The following KCNIP4 variants were observed in gnomAD, a reference collection of about 807,000 sequenced individuals.
The protein encoded by KCNIP4 is Kv channel-interacting protein 4.
Under a neutral mutation model 34.0 loss-of-function variants are expected in KCNIP4, and 12 were observed. The ratio of observed to expected loss-of-function variants is 0.35; its 90% CI spans 0.23 to 0.57. The LOEUF (loss-of-function observed/expected upper bound fraction) is 0.57, where lower values mean the gene tolerates loss of function less well. KCNIP4 is among the 20% of genes least tolerant of loss of function. KCNIP4 has a pLI of 0.83. For synonymous variants in KCNIP4, 124 were observed against 102.2 expected (o/e 1.21, Z -1.29); for missense variants, 238 against 311.7 (o/e 0.76, Z 1.78).
chr4:21,188,419 C>T (rs377313193), intron 1 of KCNIP4, among the ~76,000 whole-genome samples: 7 of 152,278 alleles, frequency 4.6e-5, no homozygotes, highest in African/African-American at 9.6e-5. Context: ...ATCAAACTGG[C>T]TTCTCTCCCT....
intron 1 of KCNIP4, among the ~76,000 whole-genome samples, chr4:21,431,227 A>T (rs144775962): frequency 6.6e-6 from 1 of 152,248 alleles, no homozygotes; most frequent in African/African-American, 2.4e-5. Flanking sequence ...ACATAAGAAC[A>T]TCAAAGAGGA....
At chr4:20,817,188 G>T (rs1200684676) in intron 3 of KCNIP4, among the ~76,000 whole-genome samples, 3 of 152,154 alleles carry the variant, frequency 2.0e-5, no homozygotes, top group African/African-American at 7.2e-5. Flanking sequence ...TTAAATTTTA[G>T]TAATTCTTGA....
chr4:21,343,131 T>C (rs1192652983), intron 1 of KCNIP4, among the ~76,000 whole-genome samples: 1 of 152,004 alleles, frequency 6.6e-6, no homozygotes, highest in Non-Finnish European at 1.5e-5. Context: ...CATTTTCTTA[T>C]AATACTGGTG....
chr4:20,915,128 A>G (rs935193779), intron 1 of KCNIP4, among the ~76,000 whole-genome samples: 1 of 152,184 alleles, frequency 6.6e-6, no homozygotes, highest in Non-Finnish European at 1.5e-5. Context: ...AGCATGACAT[A>G]TATTTTTCAA....
intron 1 of KCNIP4, among the ~76,000 whole-genome samples, chr4:20,915,008 T>C (rs1428879760): frequency 6.6e-6 from 1 of 152,202 alleles, no homozygotes; most frequent in Non-Finnish European, 1.5e-5. Flanking sequence ...TACACAACCT[T>C]GCAGTAAGAG....
At chr4:21,081,766 T>C (rs761847054) in intron 1 of KCNIP4, among the ~76,000 whole-genome samples, 1 of 151,834 alleles carries the variant, frequency 6.6e-6, no homozygotes, top group Non-Finnish European at 1.5e-5. Context: ...CAATTGCTGA[T>C]AAGAGCAATG....
chr4:21,670,715 G>A (rs945306515), intron 1 of KCNIP4, among the ~76,000 whole-genome samples: 3 of 152,032 alleles, frequency 2.0e-5, no homozygotes, highest in Admixed American at 6.5e-5. Context: ...GAGTGCAGTG[G>A]CGCGATCTTG....
intron 1 of KCNIP4, among the ~76,000 whole-genome samples, chr4:21,727,163 A>C (rs1053593881): frequency 8.5e-5 from 13 of 152,210 alleles, no homozygotes; most frequent in African/African-American, 2.7e-4. Flanking sequence ...GATAGTATTA[A>C]GACATGGGAC....
chr4:21,017,446 G>A (rs1739645553), intron 1 of KCNIP4, among the ~76,000 whole-genome samples: 1 of 152,118 alleles, frequency 6.6e-6, no homozygotes, highest in Non-Finnish European at 1.5e-5. Flanking sequence ...GCAGTGTTTG[G>A]TTTTCTGTTC....
chr4:21,652,074 A>G (rs1747528498), intron 1 of KCNIP4, among the ~76,000 whole-genome samples: 2 of 152,070 alleles, frequency 1.3e-5, no homozygotes, highest in South Asian at 4.1e-4. Context: ...CACCTCTAAC[A>G]CTTCTATATT....
chr4:21,771,157 A>G (rs1718757794), intron 1 of KCNIP4, among the ~76,000 whole-genome samples: 1 of 152,180 alleles, frequency 6.6e-6, no homozygotes, highest in Non-Finnish European at 1.5e-5. Context: ...TTTTCTGCAT[A>G]TGGCTAGCCA....
intron 1 of KCNIP4, among the ~76,000 whole-genome samples, chr4:21,199,088 A>G (rs535478832): frequency 6.6e-6 from 1 of 152,292 alleles, no homozygotes; most frequent in African/African-American, 2.4e-5. Flanking sequence ...GTATATACCC[A>G]GTAATGGGAT....
At chr4:20,937,829 G>A (rs1364949501) in intron 1 of KCNIP4, among the ~76,000 whole-genome samples, 1 of 152,142 alleles carries the variant, frequency 6.6e-6, no homozygotes, top group African/African-American at 2.4e-5. Context: ...TCAGAAATAA[G>A]TAATTAGGCC....
intron 1 of KCNIP4, among the ~76,000 whole-genome samples, chr4:21,169,525 C>T (rs1223899068): frequency 6.6e-6 from 1 of 152,060 alleles, no homozygotes; most frequent in Non-Finnish European, 1.5e-5. Flanking sequence ...AGAGGGTTTA[C>T]TGGCAAAAAT....
At chr4:20,891,994 G>A (rs555746207) in intron 1 of KCNIP4, among the ~76,000 whole-genome samples, 32 of 152,216 alleles carry the variant, frequency 2.1e-4, no homozygotes, top group South Asian at 1.0e-3. Context: ...TTCATATGCT[G>A]GTAATAATTC....
At chr4:21,850,137 T>G (rs933679182) in intron 1 of KCNIP4, 1 of 151,888 alleles carries the variant, frequency 6.6e-6, no homozygotes, top group African/African-American at 2.4e-5. Flanking sequence ...AAAAAAAAAT[T>G]TAAGGACATT....
chr4:21,318,266 T>C lies in KCNIP4; in HGVS notation c.62-435557A>G, dbSNP rs1031739525. ...GGTTTGCTAGGGAAAAAGATTGAAATTAATGGTTAGAATAAGCCTTTTGTG... is the reference window on the plus strand; with the variant it reads ...GGTTTGCTAGGGAAAAAGATTGAAACTAATGGTTAGAATAAGCCTTTTGTG... On this transcript the variant is annotated intron_variant, in intron 1 of 8. Coordinates refer to ENST00000382152, the MANE Select transcript of KCNIP4 (RefSeq NM_025221.6). Among the ~76,000 whole-genome samples, 60 of 152,332 alleles carry C rather than the reference T, an allele frequency of 3.9e-4. 1 individual carries two copies. Among genetic ancestry groups the C allele is most frequent in the Middle Eastern group, 3.4e-3 (1 of 294 alleles).
At chr4:21,848,514 C>A (rs1724162710) in intron 1 of KCNIP4, 1 of 152,250 alleles carries the variant, frequency 6.6e-6, no homozygotes, top group East Asian at 1.9e-4. Context: ...AATCCATCAT[C>A]ATTCTCATTA....
chr4:21,062,529 CATGT>C (rs1432439472), intron 1 of KCNIP4, among the ~76,000 whole-genome samples: 2 of 123,954 alleles, frequency 1.6e-5, no homozygotes, highest in East Asian at 5.0e-4. Context: ...TGTGTGTGTG[CATGT>C]GTGTGTGTGT....
Sources: gnomAD v4.1 joint callset for allele counts (sites outside exome capture counted in the v4.1 genomes callset) on GRCh38, gnomAD v4.1.1 for gene constraint, MANE v1.5 for transcripts, NCBI Gene and HGNC (gene_info 2026-07-23, HGNC 2026-07-21) for gene names.